PCDH15: variants seen among roughly 807,000 people sequenced by gnomAD.
PCDH15 encodes protocadherin related 15, also known as protocadherin-15.
In PCDH15, 129 loss-of-function variants were observed where a neutral mutation model predicts 178.5. The observed-to-expected ratio is 0.72, with a 90% CI of 0.63 to 0.84. The LOEUF is 0.84. Ranked by LOEUF, PCDH15 falls within the 40% of genes least tolerant of loss-of-function variation. The pLI, the probability that PCDH15 is intolerant of heterozygous loss-of-function variation, is 0.00. For synonymous variants in PCDH15, 800 were observed against 732.0 expected, an observed-to-expected ratio of 1.09 and a Z score of -1.50; for missense variants, 2,230 against 2,099.9, an observed-to-expected ratio of 1.06 and a Z score of -1.21.
At chr10:55,374,419 C>T (rs1845574696) in intron 2 of PCDH15, among the ~76,000 whole-genome samples, 2 of 152,052 alleles carry the variant, frequency 1.3e-5, no homozygotes, top group Admixed American at 6.6e-5. Flanking sequence ...CAGTGCTTGA[C>T]TGAATTATGT....
intron 2 of PCDH15, among the ~76,000 whole-genome samples, chr10:55,034,152 T>A (rs1033185963): frequency 1.3e-5 from 2 of 152,174 alleles, no homozygotes; most frequent in African/African-American, 4.8e-5. Context: ...CCAAAAGGAC[T>A]CAGAAAAATA....
chr10:54,307,588 T>C (rs1040333534), intron 8 of PCDH15, among the ~76,000 whole-genome samples: 2 of 152,018 alleles, frequency 1.3e-5, no homozygotes, highest in South Asian at 4.1e-4. Flanking sequence ...CAGTATCACC[T>C]TGTGGCATTT....
chr10:54,817,069 G>A (rs567198440), intron 3 of PCDH15, among the ~76,000 whole-genome samples: 3 of 151,986 alleles, frequency 2.0e-5, no homozygotes, highest in African/African-American at 7.2e-5. Context: ...TTTCAACCAG[G>A]ACCAAGTTTT....
intron 14 of PCDH15, among the ~76,000 whole-genome samples, chr10:54,148,655 T>C (rs1333213639): frequency 6.6e-6 from 1 of 152,062 alleles, no homozygotes; most frequent in African/African-American, 2.4e-5. Flanking sequence ...TGTCCAAAAT[T>C]AAATTGATGT....
At chr10:54,700,370 G>C (rs950630749) in intron 1 of PCDH15, among the ~76,000 whole-genome samples, 3 of 152,012 alleles carry the variant, frequency 2.0e-5, no homozygotes, top group Non-Finnish European at 4.4e-5. Flanking sequence ...AGGCTGAAAT[G>C]ACCGAAATGC....
chr10:55,183,199 T>C (rs996719546), intron 1 of PCDH15, among the ~76,000 whole-genome samples: 1 of 152,018 alleles, frequency 6.6e-6, no homozygotes, highest in African/African-American at 2.4e-5. Flanking sequence ...CAGTTTCATA[T>C]ATTTTGCATT....
chr10:54,588,101 C>T (rs2091625360), intron 2 of PCDH15, among the ~76,000 whole-genome samples: 1 of 152,130 alleles, frequency 6.6e-6, no homozygotes. Context: ...TCCTTCACTA[C>T]CATGTAAAGC....
chr10:54,226,863 C>T (rs1488978159), intron 9 of PCDH15, among the ~76,000 whole-genome samples: 1 of 152,152 alleles, frequency 6.6e-6, no homozygotes, highest in Non-Finnish European at 1.5e-5. Context: ...CAAAATCCAG[C>T]AGGAAAGTCA....
intron 2 of PCDH15, among the ~76,000 whole-genome samples, chr10:55,547,914 A>AGAGAGAGATT (rs1841923016): frequency 1.6e-5 from 1 of 60,612 alleles, no homozygotes; most frequent in Non-Finnish European, 2.9e-5. Context: ...TGTGTGTGAG[A>AGAGAGAGATT]GAGAGAGAGA....
chr10:54,527,898 A>T (rs752254167), intron 2 of PCDH15, 21 bp from the exon 3 acceptor site: 74 of 1,591,202 alleles, frequency 4.7e-5, no homozygotes, highest in Non-Finnish European at 6.3e-5. Flanking sequence ...AAAATAACCA[A>T]AAGTAATAAT....
At chr10:55,567,767 CTGGG>C (rs1404325357) in intron 2 of PCDH15, among the ~76,000 whole-genome samples, 2 of 151,858 alleles carry the variant, frequency 1.3e-5, no homozygotes, top group East Asian at 3.9e-4. Flanking sequence ...AGCGCGATGA[CTGGG>C]TGTTCACACA....
intron 18 of PCDH15, among the ~76,000 whole-genome samples, chr10:54,029,343 A>G (rs2093222909): frequency 6.6e-6 from 1 of 152,214 alleles, no homozygotes; most frequent in South Asian, 2.1e-4. Flanking sequence ...GTTAATAAGA[A>G]AAATAACACA....
At chr10:54,475,187 T>A (rs1181508208) in intron 3 of PCDH15, among the ~76,000 whole-genome samples, 1 of 152,020 alleles carries the variant, frequency 6.6e-6, no homozygotes, top group Non-Finnish European at 1.5e-5. Flanking sequence ...TAAGTGGCTG[T>A]GAACTATTGA....
At chr10:54,877,922 CTT>C (rs1954174781) in intron 3 of PCDH15, among the ~76,000 whole-genome samples, 2 of 120,254 alleles carry the variant, frequency 1.7e-5, no homozygotes, top group African/African-American at 3.0e-5. Flanking sequence ...CTCTTATTCT[CTT>C]TCTCTCTCTC....
intron 3 of PCDH15, among the ~76,000 whole-genome samples, chr10:54,880,201 C>T (rs1954236380): frequency 6.6e-6 from 1 of 152,120 alleles, no homozygotes; most frequent in African/African-American, 2.4e-5. Flanking sequence ...TCCTTGGCTT[C>T]CTTAAGTCTC....
intron 1 of PCDH15, among the ~76,000 whole-genome samples, chr10:55,305,627 T>C (rs1297673974): frequency 1.3e-5 from 2 of 152,214 alleles, no homozygotes; most frequent in Non-Finnish European, 2.9e-5. Flanking sequence ...ACAGGACAAA[T>C]AGGCACTGCA....
chr10:54,417,801 A>ATCAT (rs1954661541), intron 3 of PCDH15, among the ~76,000 whole-genome samples: 1 of 152,156 alleles, frequency 6.6e-6, no homozygotes, highest in Non-Finnish European at 1.5e-5. Flanking sequence ...AAAATATTTG[A>ATCAT]TCATTCACAA....
At chr10:54,134,336 C>A in intron 14 of PCDH15, among the ~76,000 whole-genome samples, 1 of 88,476 alleles carries the variant, frequency 1.1e-5, no homozygotes, top group South Asian at 5.0e-4. Context: ...AGCACCACAC[C>A]TGGCCTAGAA....
chr10:55,327,077 G>T (rs942833217), intron 2 of PCDH15, among the ~76,000 whole-genome samples: 4 of 152,050 alleles, frequency 2.6e-5, no homozygotes, highest in Admixed American at 6.6e-5. Flanking sequence ...CAAAGTAATG[G>T]TAATAGGAGG....
Sources: gnomAD v4.1 joint callset for allele counts (sites outside exome capture counted in the v4.1 genomes callset) on GRCh38, gnomAD v4.1.1 for gene constraint, MANE v1.5 for transcripts, NCBI Gene and HGNC (gene_info 2026-07-23, HGNC 2026-07-21) for gene names.